SLC10A7: variants seen among roughly 807,000 people sequenced by gnomAD.
The protein encoded by SLC10A7 is sodium/bile acid cotransporter 7.
SLC10A7 carries 29 observed loss-of-function variants against 43.2 expected under a neutral mutation model. That is an observed-to-expected ratio of 0.67 (90% confidence interval 0.50 to 0.92). The LOEUF is 0.92. Ranked by LOEUF, SLC10A7 falls within the 40% of genes least tolerant of loss-of-function variation. The pLI is 0.00. For missense variants in SLC10A7, 295 were observed against 403.2 expected, an observed-to-expected ratio of 0.73 and a Z score of 2.30; for synonymous variants, 152 against 144.8, an observed-to-expected ratio of 1.05 and a Z score of -0.35.
At position 146,294,132 on chromosome 4, in the gene SLC10A7, A is replaced by T. The variant is rs771142135; in HGVS notation, c.556-37T>A. The T allele has an allele frequency of 2.7e-6, 4 of 1,482,660 alleles. No homozygotes were observed. In the South Asian group the frequency reaches 5.7e-5, roughly 21 times the overall value. The allele number at this position is 1,482,660 out of a possible 1,614,324, so 91.8% of individuals were successfully genotyped here. A position where few individuals can be genotyped will look rare whatever the true frequency, so the allele number is the denominator to read the frequency against. On this transcript the variant is annotated intron_variant, in intron 7 of 11. Transcript: ENST00000335472. ...AGATCAACAGGTTGCCTCTTTTCAG[A>T]GATGGAGGGAGTTGAAATGGGCATC... is the stretch of plus-strand genomic sequence containing the variant.
At chr4:146,480,733 A>C (rs1734398807) in intron 4 of SLC10A7, among the ~76,000 whole-genome samples, 1 of 152,142 alleles carries the variant, frequency 6.6e-6, no homozygotes, top group Admixed American at 6.5e-5. Context: ...GTGCCAGCTA[A>C]AAGTTGGGGT....
chr4:146,288,026 G>A (rs75518229), intron 9 of SLC10A7, among the ~76,000 whole-genome samples: 1,713 of 152,288 alleles, frequency 0.011, 38 homozygotes, highest in African/African-American at 0.038. Flanking sequence ...ACGCTTACTT[G>A]TCCTCTGTTT....
intron 5 of SLC10A7, among the ~76,000 whole-genome samples, chr4:146,371,742 G>C (rs2149779323): frequency 6.6e-6 from 1 of 152,220 alleles, no homozygotes; most frequent in Middle Eastern, 3.4e-3. Context: ...AGCATGTATT[G>C]AGGATTAAAT....
At chr4:146,259,321 A>G (rs988145189) in intron 10 of SLC10A7, among the ~76,000 whole-genome samples, 2 of 152,328 alleles carry the variant, frequency 1.3e-5, no homozygotes, top group African/African-American at 4.8e-5. Flanking sequence ...CACTGCTATA[A>G]GTAGGAAGGC....
Position 146,429,324 on chromosome 4 carries a change from T to C in SLC10A7, c.435+13459A>G, listed in dbSNP as rs1729601966. On this transcript the variant is annotated intron_variant, in intron 5 of 11. Coordinates refer to ENST00000335472, the MANE Select transcript of SLC10A7 (RefSeq NM_001029998.6). ...GCGTACATTTTAAGTGCATATGATA[T>C]ACAAGATATTTTACAATCAGATAAA... Among the ~76,000 whole-genome samples, 8 of 152,312 alleles carry C rather than the reference T, an allele frequency of 5.3e-5. No homozygotes were observed. In the South Asian group the frequency reaches 1.7e-3, roughly 32 times the overall value.
intron 4 of SLC10A7, among the ~76,000 whole-genome samples, chr4:146,445,505 A>G (rs1730977611): frequency 6.6e-6 from 1 of 152,064 alleles, no homozygotes; most frequent in African/African-American, 2.4e-5. Context: ...GGTGTCTGTG[A>G]CCCTCGAAGC....
At chr4:146,360,129 C>T (rs1049818883) in intron 5 of SLC10A7, among the ~76,000 whole-genome samples, 1 of 152,102 alleles carries the variant, frequency 6.6e-6, no homozygotes, top group African/African-American at 2.4e-5. Flanking sequence ...ATCAACTTAC[C>T]AAAGACTCTC....
chr4:146,521,598 G>C lies in SLC10A7; in HGVS notation c.100+20C>G, dbSNP rs182882951. The C allele has an allele frequency of 6.3e-7, 1 of 1,597,898 alleles. No individual in the cohort carries two copies. The highest frequency in any genetic ancestry group is 8.6e-7 in the Non-Finnish European group (1 of 1,167,324). ...CTGAAGTGGGAGCCGCGGTGGAGCC[G>C]GCAGAGGTGCAGCACTTACCCCCAT... On this transcript the variant is annotated intron_variant, in intron 1 of 11. Transcript: ENST00000335472.
intron 6 of SLC10A7, among the ~76,000 whole-genome samples, chr4:146,320,949 A>G (rs562371486): frequency 1.3e-5 from 2 of 152,092 alleles, no homozygotes; most frequent in Non-Finnish European, 2.9e-5. Context: ...ATCAGAGGAC[A>G]GGTTTTGATT....
At chr4:146,316,105 G>A (rs1414791539) in intron 6 of SLC10A7, among the ~76,000 whole-genome samples, 1 of 151,956 alleles carries the variant, frequency 6.6e-6, no homozygotes, top group Non-Finnish European at 1.5e-5. Context: ...TCCAAGTAAC[G>A]AACTTATAAG....
Position 146,421,437 on chromosome 4 carries a change from C to T in SLC10A7, c.435+21346G>A, listed in dbSNP as rs192579466. Among the ~76,000 whole-genome samples, 15 of 152,198 alleles carry T rather than the reference C, an allele frequency of 9.9e-5. No individual in the cohort carries two copies. In the East Asian group the frequency reaches 2.9e-3, roughly 29 times the overall value. On this transcript the variant is annotated intron_variant, in intron 5 of 11. Coordinates refer to ENST00000335472, the MANE Select transcript of SLC10A7 (RefSeq NM_001029998.6). The stretch of plus-strand genomic sequence containing the variant: ...CAGCATCTTTCACTCACCAACTTAC[C>T]AATAAACACATTGCTACCAGGCCAT...
chr4:146,496,394 C>T (rs1735902703), intron 4 of SLC10A7, among the ~76,000 whole-genome samples: 1 of 152,120 alleles, frequency 6.6e-6, no homozygotes, highest in Non-Finnish European at 1.5e-5. Flanking sequence ...CCTTCTCCTA[C>T]CCTCCTGTCT....
At chr4:146,521,591 T>G in intron 1 of SLC10A7, 27 bp downstream of exon 1, 1 of 1,586,910 alleles carries the variant, frequency 6.3e-7, no homozygotes. Flanking sequence ...GGAGCCGCGG[T>G]GGAGCCGGCA....
At chr4:146,470,367 T>C (rs1173232450) in intron 4 of SLC10A7, among the ~76,000 whole-genome samples, 1 of 151,330 alleles carries the variant, frequency 6.6e-6, no homozygotes, top group East Asian at 1.9e-4. Context: ...TACATATAAA[T>C]GTACATACGT....
At chr4:146,504,562 C>CATTTG (rs1736728658) in intron 3 of SLC10A7, among the ~76,000 whole-genome samples, 1 of 150,092 alleles carries the variant, frequency 6.7e-6, no homozygotes, top group Non-Finnish European at 1.5e-5. Context: ...AACGGCTAAT[C>CATTTG]ATTTGGTAAG....
chr4:146,303,468 C>A (rs1731300122), intron 7 of SLC10A7, among the ~76,000 whole-genome samples: 1 of 151,234 alleles, frequency 6.6e-6, no homozygotes, highest in Non-Finnish European at 1.5e-5. Flanking sequence ...ACCTCCGCCT[C>A]CCAGGTTCAA....
chr4:146,317,478 G>T (rs1252288662), intron 6 of SLC10A7, among the ~76,000 whole-genome samples: 1 of 152,030 alleles, frequency 6.6e-6, no homozygotes, highest in Non-Finnish European at 1.5e-5. Flanking sequence ...AGGAATATAT[G>T]ATGGTTAATT....
chr4:146,316,356 A>ATTGGGAGACAGGACT lies in SLC10A7; in HGVS notation c.471+9590_471+9604dup, dbSNP rs370262037. Among the ~76,000 whole-genome samples, 1,002 of 152,132 alleles carry ATTGGGAGACAGGACT rather than the reference A, an allele frequency of 6.6e-3. 14 individuals are homozygous for ATTGGGAGACAGGACT. Among genetic ancestry groups the ATTGGGAGACAGGACT allele is most frequent in the African/African-American group, 0.022 (932 of 41,504 alleles). On this transcript the variant is annotated intron_variant, in intron 6 of 11. Transcript: ENST00000335472. ...AAATCCAAACCCCCTGGGTGCTGGT[A>ATTGGGAGACAGGACT]TTGGGAGACAGGACTTTGGGAGGTG...
At chr4:146,297,498 AAAGT>A (rs911816894) in intron 7 of SLC10A7, among the ~76,000 whole-genome samples, 4 of 152,142 alleles carry the variant, frequency 2.6e-5, no homozygotes, top group African/African-American at 9.7e-5. Context: ...TAATATTTTT[AAAGT>A]ATTTCCTTGC....
Sources: gnomAD v4.1 joint callset for allele counts (sites outside exome capture counted in the v4.1 genomes callset) on GRCh38, gnomAD v4.1.1 for gene constraint, MANE v1.5 for transcripts, NCBI Gene and HGNC (gene_info 2026-07-23, HGNC 2026-07-21) for gene names.